The following BMAL1 variants were observed in gnomAD, a reference collection of about 807,000 sequenced individuals.
The protein encoded by BMAL1 is basic helix-loop-helix ARNT like 1, also known as basic helix-loop-helix ARNT-like protein 1.
the BMAL1 span, among the ~76,000 whole-genome samples, chr11:13,294,668 C>T: frequency 6.6e-6 from 1 of 152,200 alleles, no homozygotes; most frequent in South Asian, 2.1e-4. Flanking sequence ...AGTAACTTTC[C>T]TCCTGGAATC....
the BMAL1 span, among the ~76,000 whole-genome samples, chr11:13,280,083 G>A: frequency 6.6e-6 from 1 of 152,308 alleles, no homozygotes; most frequent in South Asian, 2.1e-4. Context: ...TTGAAGTTCT[G>A]TAAGTCTCTA....
chr11:13,340,503 G>A, the BMAL1 span, among the ~76,000 whole-genome samples: 24 of 152,238 alleles, frequency 1.6e-4, no homozygotes, highest in African/African-American at 5.1e-4. Flanking sequence ...AAAACAAAGC[G>A]GTTGGACTCT....
the BMAL1 span, chr11:13,379,139 G>GA: frequency 0.025 from 3,883 of 152,322 alleles, 67 homozygotes; most frequent in Middle Eastern, 0.051. Flanking sequence ...TTAGGATTGT[G>GA]AGGGCACTCA....
At chr11:13,284,198 G>T in the BMAL1 span, among the ~76,000 whole-genome samples, 1 of 71,874 alleles carries the variant, frequency 1.4e-5, no homozygotes, top group African/African-American at 9.2e-5. Flanking sequence ...ATATATGTGT[G>T]TATATATATA....
At chr11:13,304,581 T>C in the BMAL1 span, among the ~76,000 whole-genome samples, 131,415 of 152,212 alleles carry the variant, frequency 0.86, 56,819 homozygotes, top group Middle Eastern at 0.88. Flanking sequence ...CTTTCAGACA[T>C]GGAGAGGGCA....
the BMAL1 span, among the ~76,000 whole-genome samples, chr11:13,325,353 C>G: frequency 1.3e-5 from 2 of 152,230 alleles, no homozygotes; most frequent in Non-Finnish European, 2.9e-5. Context: ...TTGCATACTC[C>G]AAGCCACACT....
the BMAL1 span, among the ~76,000 whole-genome samples, chr11:13,279,604 T>C: frequency 2.6e-5 from 4 of 152,254 alleles, no homozygotes; most frequent in African/African-American, 9.6e-5. Flanking sequence ...TGGTGTTATA[T>C]TTGATTTCCA....
chr11:13,354,641 T>A, the BMAL1 span: 1 of 657,812 alleles, frequency 1.5e-6, no homozygotes, highest in Middle Eastern at 4.4e-4. Flanking sequence ...CCTTCAGCAG[T>A]GCTGAGGCAT....
chr11:13,339,593 A>G, the BMAL1 span, among the ~76,000 whole-genome samples: 1 of 151,760 alleles, frequency 6.6e-6, no homozygotes, highest in Non-Finnish European at 1.5e-5. Flanking sequence ...CTGCACCCCT[A>G]CCTTCCTTAG....
At chr11:13,281,307 C>T in the BMAL1 span, among the ~76,000 whole-genome samples, 1 of 152,088 alleles carries the variant, frequency 6.6e-6, no homozygotes, top group Non-Finnish European at 1.5e-5. Flanking sequence ...TTACTTGGTA[C>T]CCTGGGTTCG....
the BMAL1 span, among the ~76,000 whole-genome samples, chr11:13,280,427 A>G: frequency 6.6e-6 from 1 of 152,266 alleles, no homozygotes; most frequent in African/African-American, 2.4e-5. Flanking sequence ...TGAAAAGGTA[A>G]AAACTAGATA....
the BMAL1 span, chr11:13,374,301 G>C: frequency 5.5e-6 from 6 of 1,088,338 alleles, no homozygotes; most frequent in South Asian, 4.1e-5. Flanking sequence ...TGAGGATGTA[G>C]AGTCAGCCAG....
chr11:13,344,815 C>T, the BMAL1 span, among the ~76,000 whole-genome samples: 1 of 152,342 alleles, frequency 6.6e-6, no homozygotes, highest in South Asian at 2.1e-4. Flanking sequence ...CATTCATTCC[C>T]TCTACAGACA....
the BMAL1 span, chr11:13,354,211 C>CCCA: frequency 8.8e-7 from 1 of 1,132,492 alleles, no homozygotes. Context: ...CCCCCCACCA[C>CCCA]CAAACCCCCA....
chr11:13,375,466 C>G, the BMAL1 span: 1 of 569,526 alleles, frequency 1.8e-6, no homozygotes, highest in African/African-American at 2.0e-5. Flanking sequence ...AACCTATTTC[C>G]TGAGTGTTGA....
the BMAL1 span, chr11:13,378,582 T>C: frequency 1.7e-6 from 2 of 1,196,926 alleles, no homozygotes; most frequent in Admixed American, 2.4e-5. Flanking sequence ...TACTTAAACA[T>C]CCTGTGGATA....
the BMAL1 span, among the ~76,000 whole-genome samples, chr11:13,302,578 C>A: frequency 6.6e-6 from 1 of 152,302 alleles, no homozygotes; most frequent in East Asian, 1.9e-4. Context: ...CCCATGTGGG[C>A]TCTGTGTGTG....
chr11:13,332,368 C>T, the BMAL1 span, among the ~76,000 whole-genome samples: 2 of 152,158 alleles, frequency 1.3e-5, no homozygotes, highest in African/African-American at 4.8e-5. Flanking sequence ...ATTTGTTTTT[C>T]CTAATCTTTG....
chr11:13,330,098 A>G, the BMAL1 span, among the ~76,000 whole-genome samples: 1 of 152,182 alleles, frequency 6.6e-6, no homozygotes, highest in African/African-American at 2.4e-5. Flanking sequence ...ATTCTATCAC[A>G]AGGAAAGGGC....
Sources: allele counts gnomAD v4.1 joint callset (sites outside exome capture counted in the v4.1 genomes callset), GRCh38; gene constraint gnomAD v4.1.1; transcripts MANE v1.5; gene names NCBI Gene and HGNC (gene_info 2026-07-23, HGNC 2026-07-21).